The following GRIA1 variants were observed in gnomAD, a reference collection of about 807,000 sequenced individuals.
GRIA1 encodes glutamate receptor 1.
GRIA1 carries 31 observed loss-of-function variants against 99.2 expected under a neutral mutation model. The ratio of observed to expected loss-of-function variants is 0.31; its 90% CI spans 0.23 to 0.42. GRIA1 has a LOEUF of 0.42. Among genes scored for constraint, GRIA1 ranks in the 10% least tolerant of loss-of-function variants. GRIA1 has a pLI of 1.00. For synonymous variants in GRIA1, 438 were observed against 432.4 expected (o/e 1.01, Z -0.16); for missense variants, 782 against 1,157.5 (o/e 0.68, Z 4.71).
chr5:153,569,384 C>T (rs904629260), intron 2 of GRIA1, among the ~76,000 whole-genome samples: 1 of 152,172 alleles, frequency 6.6e-6, no homozygotes, highest in Admixed American at 6.5e-5. Context: ...GGGTGGTAGG[C>T]AATGGATGCA....
At chr5:153,601,770 G>C (rs895050389) in intron 2 of GRIA1, among the ~76,000 whole-genome samples, 15 of 152,202 alleles carry the variant, frequency 9.9e-5, no homozygotes, top group Non-Finnish European at 2.9e-5. Context: ...TTTTTGAATT[G>C]TAAGGGACCT....
At chr5:153,763,260 C>G (rs1227814745) in intron 11 of GRIA1, among the ~76,000 whole-genome samples, 1 of 152,132 alleles carries the variant, frequency 6.6e-6, no homozygotes, top group African/African-American at 2.4e-5. Context: ...GTTTTGCAAG[C>G]AGTGTGGAAC....
intron 2 of GRIA1, among the ~76,000 whole-genome samples, chr5:153,613,024 A>C (rs2149411794): frequency 6.6e-6 from 1 of 152,346 alleles, no homozygotes; most frequent in Admixed American, 6.5e-5. Flanking sequence ...CAAGGCAAGA[A>C]GTGCTCAAGT....
intron 2 of GRIA1, among the ~76,000 whole-genome samples, chr5:153,631,981 T>C (rs1753011124): frequency 6.6e-6 from 1 of 152,160 alleles, no homozygotes; most frequent in Non-Finnish European, 1.5e-5. Flanking sequence ...GATAAGGTTT[T>C]TCAGGTCAAC....
chr5:153,668,352 C>T (rs1268100198), intron 5 of GRIA1, among the ~76,000 whole-genome samples: 1 of 152,128 alleles, frequency 6.6e-6, no homozygotes, highest in African/African-American at 2.4e-5. Flanking sequence ...CAAATCCAGC[C>T]ATCACCTGAT....
intron 11 of GRIA1, among the ~76,000 whole-genome samples, chr5:153,723,122 A>T (rs1760199500): frequency 6.6e-6 from 1 of 152,210 alleles, no homozygotes; most frequent in Non-Finnish European, 1.5e-5. Context: ...ATGAGATAGA[A>T]GGTACTGGGG....
chr5:153,525,358 C>A (rs1464211595), intron 2 of GRIA1: 1 of 152,148 alleles, frequency 6.6e-6, no homozygotes, highest in East Asian at 1.9e-4. Flanking sequence ...CAAACCCCTA[C>A]AACAAATAAT....
At chr5:153,753,479 G>A (rs1762624120) in intron 11 of GRIA1, among the ~76,000 whole-genome samples, 1 of 152,126 alleles carries the variant, frequency 6.6e-6, no homozygotes, top group Non-Finnish European at 1.5e-5. Flanking sequence ...AGTAGCTAAA[G>A]TGCTGGATAA....
chr5:153,691,175 T>G (rs1561771729), intron 8 of GRIA1, among the ~76,000 whole-genome samples: 1 of 152,190 alleles, frequency 6.6e-6, no homozygotes, highest in Non-Finnish European at 1.5e-5. Flanking sequence ...GGATGGGTAC[T>G]TGCTCTACTA....
intron 2 of GRIA1, among the ~76,000 whole-genome samples, chr5:153,501,486 TGGCCAGGCC>T (rs538123366): frequency 1.6e-3 from 237 of 152,278 alleles, no homozygotes; most frequent in Non-Finnish European, 2.7e-3. Flanking sequence ...GGCAGAGGCC[TGGCCAGGCC>T]TTGTAGGCTC....
intron 2 of GRIA1, among the ~76,000 whole-genome samples, chr5:153,525,820 A>T (rs1030328791): frequency 6.6e-6 from 1 of 151,822 alleles, no homozygotes; most frequent in Non-Finnish European, 1.5e-5. Context: ...TTCCCTCCTC[A>T]TTTCCCTGGC....
chr5:153,733,568 C>A (rs1761184615), intron 11 of GRIA1, among the ~76,000 whole-genome samples: 1 of 152,054 alleles, frequency 6.6e-6, no homozygotes, highest in Non-Finnish European at 1.5e-5. Context: ...TATAGAGTGG[C>A]TGAATGAATA....
chr5:153,807,024 T>G (rs1425123539), intron 15 of GRIA1, among the ~76,000 whole-genome samples: 1 of 152,240 alleles, frequency 6.6e-6, no homozygotes, highest in African/African-American at 2.4e-5. Context: ...TGAGCACCTA[T>G]TCTCTGTTCT....
intron 11 of GRIA1, among the ~76,000 whole-genome samples, chr5:153,748,328 G>T (rs1286055692): frequency 2.6e-5 from 4 of 152,154 alleles, no homozygotes; most frequent in Admixed American, 1.3e-4. Flanking sequence ...TTCCAGGTAA[G>T]GGGATCAACA....
chr5:153,554,230 T>C (rs184989146), intron 2 of GRIA1, among the ~76,000 whole-genome samples: 216 of 152,242 alleles, frequency 1.4e-3, no homozygotes, highest in Middle Eastern at 0.01. Context: ...ATAGTTTAAT[T>C]TGAGGTCTGC....
At chr5:153,623,429 T>A (rs1022487097) in intron 2 of GRIA1, among the ~76,000 whole-genome samples, 2 of 152,152 alleles carry the variant, frequency 1.3e-5, no homozygotes, top group African/African-American at 4.8e-5. Flanking sequence ...CAGGGGCTTA[T>A]TATATGTTAG....
At chr5:153,607,536 T>C (rs1765563190) in intron 2 of GRIA1, among the ~76,000 whole-genome samples, 1 of 151,974 alleles carries the variant, frequency 6.6e-6, no homozygotes, top group Non-Finnish European at 1.5e-5. Flanking sequence ...GTTTCAGATT[T>C]ACTAAATTTT....
At chr5:153,536,103 C>A (rs751799618) in intron 2 of GRIA1, among the ~76,000 whole-genome samples, 2 of 152,176 alleles carry the variant, frequency 1.3e-5, no homozygotes, top group Non-Finnish European at 2.9e-5. Flanking sequence ...GACTCTGACC[C>A]TGTCCCATCT....
intron 2 of GRIA1, among the ~76,000 whole-genome samples, chr5:153,538,530 G>A (rs1051930819): frequency 1.3e-5 from 2 of 152,036 alleles, no homozygotes; most frequent in African/African-American, 4.8e-5. Flanking sequence ...TATGCCTGCA[G>A]GTTCACTACA....
Sources: allele counts gnomAD v4.1 joint callset (sites outside exome capture counted in the v4.1 genomes callset), GRCh38; gene constraint gnomAD v4.1.1; transcripts MANE v1.5; gene names NCBI Gene and HGNC (gene_info 2026-07-23, HGNC 2026-07-21).